DPH6: variants seen among roughly 807,000 people sequenced by gnomAD.
DPH6 encodes diphthamine biosynthesis 6, also known as diphthine--ammonia ligase.
DPH6 carries 33 observed loss-of-function variants against 38.2 expected under a neutral mutation model. That is an observed-to-expected ratio of 0.86 (90% CI 0.65 to 1.15). The LOEUF (loss-of-function observed/expected upper bound fraction) is 1.15, where lower values mean the gene tolerates loss of function less well. Among genes scored for constraint, DPH6 ranks in the 50% most tolerant of loss-of-function variants. The probability of loss-of-function intolerance (pLI) is 0.00; values close to 1 mark genes in which losing one functional copy is unlikely to be tolerated. For synonymous variants in DPH6, 108 were observed against 103.0 expected, an observed-to-expected ratio of 1.05 and a Z score of -0.30; for missense variants, 325 against 320.0, an observed-to-expected ratio of 1.02 and a Z score of -0.12.
chr15:35,334,082 C>T lies in DPH6; in HGVS notation n.208-3005G>A, dbSNP rs111378992. ...GATCTAATGGGCACCAAACAGGCCA[C>T]GGATGTCCATTTTTAATTTTTCAAA... On this transcript the variant is annotated intron_variant and non_coding_transcript_variant, in intron 3 of 3. Coordinates refer to the DPH6 transcript ENST00000558973. 3.0e-3 allele frequency among the ~76,000 whole-genome samples: 462 copies of T among 151,896 alleles called. 2 individuals are homozygous for T. The highest frequency in any genetic ancestry group is 0.01 in the African/African-American group (422 of 41,444).
chr15:35,379,774 A>G (rs537510954), intron 7 of DPH6, among the ~76,000 whole-genome samples: 120 of 152,328 alleles, frequency 7.9e-4, no homozygotes, highest in African/African-American at 2.8e-3. Context: ...GTGAAATACC[A>G]TATATAAACA....
At chr15:35,193,470 C>T in the DPH6 span, among the ~76,000 whole-genome samples, 2 of 152,090 alleles carry the variant, frequency 1.3e-5, no homozygotes, top group Admixed American at 6.6e-5. Context: ...TTCAGCCTCA[C>T]ATTTTTCTCT....
intron 3 of DPH6, among the ~76,000 whole-genome samples, chr15:35,275,756 A>G (rs2051853900): frequency 6.6e-6 from 1 of 152,098 alleles, no homozygotes; most frequent in Admixed American, 6.6e-5. Flanking sequence ...AATCTCATCC[A>G]GGTGACTGCA....
the DPH6 span, among the ~76,000 whole-genome samples, chr15:35,200,313 T>G: frequency 1.3e-5 from 2 of 152,102 alleles, no homozygotes; most frequent in East Asian, 3.9e-4. Context: ...GTTTCTTTGG[T>G]CTTTTCAAAT....
chr15:35,362,915 T>C (rs113582909), intron 3 of DPH6, among the ~76,000 whole-genome samples: 2 of 152,206 alleles, frequency 1.3e-5, no homozygotes, highest in African/African-American at 2.4e-5. Context: ...ATAGGGTTGG[T>C]CACTTCCCAC....
intron 3 of DPH6, among the ~76,000 whole-genome samples, chr15:35,244,801 G>A (rs1485331245): frequency 6.6e-6 from 1 of 152,166 alleles, no homozygotes; most frequent in Non-Finnish European, 1.5e-5. Context: ...GGCTGAACTG[G>A]GGATAAGGAG....
intron 3 of DPH6, among the ~76,000 whole-genome samples, chr15:35,269,093 CT>C (rs2051803980): frequency 6.6e-6 from 1 of 152,152 alleles, no homozygotes; most frequent in African/African-American, 2.4e-5. Context: ...GACTTATCCC[CT>C]GATATCCTAT....
At chr15:35,222,134 C>G (rs972523958) in intron 3 of DPH6, among the ~76,000 whole-genome samples, 1 of 152,186 alleles carries the variant, frequency 6.6e-6, no homozygotes, top group Non-Finnish European at 1.5e-5. Context: ...CTTACATAAT[C>G]TCTAAGAAGT....
chr15:35,536,384 T>G (rs888395910), intron 3 of DPH6, among the ~76,000 whole-genome samples: 28 of 152,018 alleles, frequency 1.8e-4, no homozygotes, highest in African/African-American at 6.3e-4. Context: ...TGATAACATA[T>G]CTTTCAACTA....
chr15:35,298,309 C>T (rs2052028998), intron 3 of DPH6: 1 of 598,488 alleles, frequency 1.7e-6, no homozygotes, highest in Admixed American at 1.9e-5. Context: ...CATGCATTTG[C>T]CACCTGTCCA....
downstream of DPH6, among the ~76,000 whole-genome samples, chr15:35,213,703 C>T (rs560783097): frequency 1.2e-4 from 19 of 152,326 alleles, no homozygotes; most frequent in East Asian, 3.9e-4. Context: ...ACCCCAATTA[C>T]ATCACACAAA....
At chr15:35,388,468 G>A (rs959798893) in intron 6 of DPH6, among the ~76,000 whole-genome samples, 2 of 152,144 alleles carry the variant, frequency 1.3e-5, no homozygotes, top group African/African-American at 4.8e-5. Flanking sequence ...AATCCATCTG[G>A]TCCTGGACTG....
At chr15:35,293,890 CATT>C (rs2051996550) in intron 3 of DPH6, among the ~76,000 whole-genome samples, 1 of 152,176 alleles carries the variant, frequency 6.6e-6, no homozygotes. Flanking sequence ...AATTCTGCAT[CATT>C]GTCTTATTTA....
intron 5 of DPH6, among the ~76,000 whole-genome samples, chr15:35,432,151 TAA>T (rs1288845113): frequency 6.6e-6 from 1 of 152,052 alleles, no homozygotes; most frequent in African/African-American, 2.4e-5. Flanking sequence ...AAAATATGGA[TAA>T]GAGTCTTCCA....
At chr15:35,291,727 C>G (rs949778839) in intron 3 of DPH6, among the ~76,000 whole-genome samples, 1 of 152,136 alleles carries the variant, frequency 6.6e-6, no homozygotes, top group Non-Finnish European at 1.5e-5. Context: ...AAGGTGATAG[C>G]TCAGCCTTGT....
At chr15:35,301,946 C>T (rs1335217284) in intron 3 of DPH6, among the ~76,000 whole-genome samples, 2 of 151,970 alleles carry the variant, frequency 1.3e-5, no homozygotes. Flanking sequence ...TGCACTCGAG[C>T]CTGGGCGGCA....
chr15:35,154,987 T>G, the DPH6 span, among the ~76,000 whole-genome samples: 1 of 152,186 alleles, frequency 6.6e-6, no homozygotes, highest in South Asian at 2.1e-4. Flanking sequence ...TCTTTTTCCC[T>G]CAGAACATTT....
At chr15:35,389,725 CTGTG>C (rs1156697334) in intron 6 of DPH6, among the ~76,000 whole-genome samples, 17 of 152,112 alleles carry the variant, frequency 1.1e-4, no homozygotes. Flanking sequence ...TATTTTGAGC[CTGTG>C]TGTGTCTCTG....
At chr15:35,488,494 G>A (rs9972406) in intron 3 of DPH6, among the ~76,000 whole-genome samples, 11,997 of 152,222 alleles carry the variant, frequency 0.079, 640 homozygotes, top group African/African-American at 0.14. Context: ...CATGGCAGCA[G>A]GAGAGCGAGT....
Sources: gnomAD v4.1 joint callset for allele counts (sites outside exome capture counted in the v4.1 genomes callset) on GRCh38, gnomAD v4.1.1 for gene constraint, MANE v1.5 for transcripts, NCBI Gene and HGNC (gene_info 2026-07-23, HGNC 2026-07-21) for gene names.